Variants in PTPN3 observed in about 807,000 individuals in gnomAD.
PTPN3 encodes the protein tyrosine-protein phosphatase non-receptor type 3.
In PTPN3, 96 loss-of-function variants were observed where a neutral mutation model predicts 132.7. The observed-to-expected ratio is 0.72, with a 90% CI of 0.61 to 0.86. The LOEUF (loss-of-function observed/expected upper bound fraction) is 0.86, where lower values mean the gene tolerates loss of function less well. Among genes scored for constraint, PTPN3 ranks in the 40% least tolerant of loss-of-function variants. The pLI is 0.00. For synonymous variants in PTPN3, 398 were observed against 429.0 expected (o/e 0.93, Z 0.89); for missense variants, 1,125 against 1,159.6 (o/e 0.97, Z 0.43).
intron 12 of PTPN3, 133 bp downstream of exon 12, chr9:109,426,817 T>C (rs1843314229): frequency 5.0e-6 from 5 of 991,526 alleles, no homozygotes; most frequent in Non-Finnish European, 7.3e-6. Flanking sequence ...TTAGTTATGG[T>C]TCAGAGATCC....
the PTPN3 span, among the ~76,000 whole-genome samples, chr9:109,533,159 A>T: frequency 3.5e-5 from 1 of 28,294 alleles, no homozygotes; most frequent in African/African-American, 2.0e-4. Flanking sequence ...TTTTTTTGAG[A>T]CGGAGTCTCG....
At chr9:109,519,534 A>C in the PTPN3 span, among the ~76,000 whole-genome samples, 1 of 152,214 alleles carries the variant, frequency 6.6e-6, no homozygotes, top group Non-Finnish European at 1.5e-5. Context: ...AAGAATGAGG[A>C]AACTGTGGCC....
Position 109,417,142 on chromosome 9 carries a change from A to T in PTPN3, c.1313+3282T>A, listed in dbSNP as rs185578033. Among the ~76,000 whole-genome samples, 998 of 152,348 alleles carry T rather than the reference A, an allele frequency of 6.6e-3. 7 individuals are homozygous for T. The highest frequency in any genetic ancestry group is 0.011 in the Non-Finnish European group (721 of 68,022). On this transcript the variant is annotated intron_variant, in intron 14 of 25. Coordinates refer to ENST00000374541, the MANE Select transcript of PTPN3 (RefSeq NM_002829.4). ...TGGCTGATAGAACCTTGGGAGCAACAAAAGAGTGCAGCCTACTTGGGCACA... is the reference window on the plus strand; with the variant it reads ...TGGCTGATAGAACCTTGGGAGCAACTAAAGAGTGCAGCCTACTTGGGCACA...
chr9:109,481,413 T>C (rs376155463), intron 1 of PTPN3, among the ~76,000 whole-genome samples: 3 of 152,328 alleles, frequency 2.0e-5, no homozygotes, highest in East Asian at 3.9e-4. Flanking sequence ...CTAGATCTCA[T>C]TCTGCTCCAC....
the PTPN3 span, chr9:109,534,329 T>G: frequency 6.6e-7 from 1 of 1,519,606 alleles, no homozygotes; most frequent in Admixed American, 2.0e-5. Flanking sequence ...GCCTCGCTGC[T>G]CAAGGTTGTG....
chr9:109,404,002 G>A (rs980983433), intron 19 of PTPN3, among the ~76,000 whole-genome samples: 24 of 152,182 alleles, frequency 1.6e-4, no homozygotes, highest in Non-Finnish European at 2.9e-4. Context: ...GCACATGGCT[G>A]GGGGTGGTCA....
chr9:109,486,533 G>C (rs772436986), intron 1 of PTPN3, among the ~76,000 whole-genome samples: 28 of 152,248 alleles, frequency 1.8e-4, no homozygotes, highest in African/African-American at 5.8e-4. Flanking sequence ...AGTGAAGAGT[G>C]ACCTTGGGTT....
chr9:109,383,647 T>C (rs766591316), intron 22 of PTPN3, 96 bp from the exon 23 acceptor site: 23 of 1,491,790 alleles, frequency 1.5e-5, no homozygotes, highest in Non-Finnish European at 2.1e-5. Context: ...CATCCTCTCA[T>C]GCACACCCGA....
intron 1 of PTPN3, among the ~76,000 whole-genome samples, chr9:109,471,807 G>A (rs1421137810): frequency 6.6e-6 from 1 of 152,026 alleles, no homozygotes; most frequent in Non-Finnish European, 1.5e-5. Context: ...CACCCAGCTT[G>A]AAGTTGCATT....
Position 109,396,981 on chromosome 9 carries a change from G to A in PTPN3, c.1954-5420C>T, listed in dbSNP as rs548573113. ...GGATGCTGGCAAGGCCCAGCAAGTG[G>A]AAGCAAGCACTCCGTCAACTCTATG... On this transcript the variant is annotated intron_variant, in intron 19 of 25. Coordinates refer to ENST00000374541, the MANE Select transcript of PTPN3 (RefSeq NM_002829.4). Among the ~76,000 whole-genome samples the A allele has an allele frequency of 3.3e-5, 5 of 152,286 alleles. No individual in the cohort carries two copies. In the East Asian group the frequency reaches 9.7e-4, roughly 29 times the overall value.
intron 1 of PTPN3, among the ~76,000 whole-genome samples, chr9:109,478,485 C>A (rs1242183565): frequency 6.6e-6 from 1 of 152,054 alleles, no homozygotes; most frequent in Non-Finnish European, 1.5e-5. Context: ...CCACAGTAAA[C>A]CCAGAAAAGG....
At chr9:109,397,120 C>G (rs1045229767) in intron 19 of PTPN3, among the ~76,000 whole-genome samples, 1 of 152,186 alleles carries the variant, frequency 6.6e-6, no homozygotes, top group South Asian at 2.1e-4. Flanking sequence ...GGTAAGGAGA[C>G]AGCAAAGGCC....
chr9:109,533,659 C>G, the PTPN3 span: 40 of 1,493,566 alleles, frequency 2.7e-5, no homozygotes, highest in Non-Finnish European at 3.7e-5. Flanking sequence ...TTCCTGCACC[C>G]TGGTTGTCAG....
At chr9:109,386,594 G>A (rs1198111416) in intron 22 of PTPN3, among the ~76,000 whole-genome samples, 1 of 152,146 alleles carries the variant, frequency 6.6e-6, no homozygotes, top group Non-Finnish European at 1.5e-5. Context: ...ATTGAAGGAC[G>A]AGGGTCTTCA....
chr9:109,397,408 C>A (rs1236359511), intron 19 of PTPN3, among the ~76,000 whole-genome samples: 1 of 152,186 alleles, frequency 6.6e-6, no homozygotes, highest in Non-Finnish European at 1.5e-5. Flanking sequence ...AATTTCAAAG[C>A]AATTTCAGCT....
the PTPN3 span, among the ~76,000 whole-genome samples, chr9:109,510,190 C>T: frequency 6.6e-6 from 1 of 152,124 alleles, no homozygotes; most frequent in Non-Finnish European, 1.5e-5. Context: ...CCCATCTATT[C>T]AATGGAAAAA....
intron 17 of PTPN3, 76 bp downstream of exon 17, chr9:109,408,245 A>G: frequency 8.3e-7 from 1 of 1,198,938 alleles, no homozygotes. Context: ...AAGAAACAGG[A>G]CTCAGAAACA....
At chr9:109,492,224 C>T (rs1242673741) in intron 1 of PTPN3, among the ~76,000 whole-genome samples, 9 of 152,160 alleles carry the variant, frequency 5.9e-5, no homozygotes, top group Non-Finnish European at 1.0e-4. Context: ...CCTCCCTCAC[C>T]GAGAACCTCT....
chr9:109,417,533 T>TG, intron 14 of PTPN3: 1 of 523,702 alleles, frequency 1.9e-6, no homozygotes, highest in Non-Finnish European at 2.2e-6. Flanking sequence ...AACCAACAGG[T>TG]TTTTTTTTTT....
Sources: gnomAD v4.1 joint callset for allele counts (sites outside exome capture counted in the v4.1 genomes callset) on GRCh38, gnomAD v4.1.1 for gene constraint, MANE v1.5 for transcripts, NCBI Gene and HGNC (gene_info 2026-07-23, HGNC 2026-07-21) for gene names.